TUBA3C: variants seen among roughly 807,000 people sequenced by gnomAD.
TUBA3C encodes tubulin alpha 3c.
Under a neutral mutation model 33.4 loss-of-function variants are expected in TUBA3C, and 23 were observed. The ratio of observed to expected loss-of-function variants is 0.69; its 90% confidence interval spans 0.50 to 0.98. The LOEUF (loss-of-function observed/expected upper bound fraction) is 0.98. Among genes scored for constraint, TUBA3C ranks in the 50% least tolerant of loss-of-function variants. The pLI, the probability that TUBA3C is intolerant of heterozygous loss-of-function variation, is 0.00. For synonymous variants in TUBA3C, 269 were observed against 250.4 expected (o/e 1.07, Z -0.70); for missense variants, 402 against 616.0 (o/e 0.65, Z 3.68).
chr13:19,181,691 C>A (rs901584029), intron 1 of TUBA3C, 54 bp downstream of exon 1: 1 of 1,600,582 alleles, frequency 6.2e-7, no homozygotes, highest in Non-Finnish European at 8.5e-7. Flanking sequence ...AGGAGGCCAA[C>A]TTCGTCCACC....
At chr13:19,176,725 CAAAAAAAAAAA>C (rs55746544) in intron 4 of TUBA3C, among the ~76,000 whole-genome samples, 191 bp downstream of exon 4, 1,081 of 34,602 alleles carry the variant, frequency 0.031, 6 homozygotes, top group Non-Finnish European at 0.053. Flanking sequence ...GACTCTGCCT[CAAAAAAAAAAA>C]AAAAAAAAAA....
Position 19,174,160 on chromosome 13 carries a change from C to G in TUBA3C, c.1057-1G>C, listed in dbSNP as rs1265761078. The G allele has an allele frequency of 6.2e-7, 1 of 1,609,454 alleles. No homozygotes were observed. The highest frequency in any genetic ancestry group is 1.7e-4 in the Middle Eastern group (1 of 6,036). On this transcript the variant is annotated splice_acceptor_variant, in intron 4 of 4. Transcript: ENST00000400113. LOFTEE classifies it high-confidence loss of function. ...TGGGGGGCTGGTAGTTAATGCCCAC[C>G]TGCCGGAGAAGAGGAAGAAACAGTC... is the stretch of plus-strand genomic sequence containing the variant.
At chr13:19,178,668 T>C (rs1869289722) in intron 2 of TUBA3C, among the ~76,000 whole-genome samples, 1 of 152,154 alleles carries the variant, frequency 6.6e-6, no homozygotes, top group Non-Finnish European at 1.5e-5. Context: ...TGAAGGGAAA[T>C]AAGCTCCAGC....
In TUBA3C at chr13:19,181,778, C is replaced by G; in HGVS notation, c.-31G>C. 6.2e-7 allele frequency: 1 copy of G among 1,601,066 alleles called. No homozygotes were observed. Among genetic ancestry groups the G allele is most frequent in the Non-Finnish European group, 8.5e-7 (1 of 1,178,928 alleles). On this transcript the variant is annotated 5_prime_UTR_variant, in exon 1 of 5. Transcript: ENST00000400113. The stretch of plus-strand genomic sequence containing the variant: ...GCTCCTCCGCTGCCGCAGCCCAACG[C>G]TACTACTTGACCTCAACCGCCGCTG...
rs747369795 is a variant in TUBA3C, at chr13:19,174,147, A to T, written c.1069T>A (p.Tyr357Asn). 135 of 1,611,098 alleles carry T rather than the reference A, an allele frequency of 8.4e-5. No homozygotes were observed. Among genetic ancestry groups the T allele is most frequent in the Non-Finnish European group, 1.1e-4 (132 of 1,177,966 alleles). ...CPTGFKVGIN[Y>N]QPPTVVPGGD... ...CCAGGGACCACCGTGGGGGGCTGGT[A>T]GTTAATGCCCACCTGCCGGAGAAGA... is the stretch of plus-strand genomic sequence containing the variant. The change falls in exon 5 of 5, where the codon TAC becomes AAC. Residue 357 changes from tyrosine (Y) to asparagine (N), a missense_variant. Physicochemically the swap from Tyr to Asn is moderately radical, Grantham distance 143. Transcript: ENST00000400113.
At chr13:19,179,319 C>A (rs1402210354) in intron 2 of TUBA3C, 22 bp downstream of exon 2, 1 of 1,612,824 alleles carries the variant, frequency 6.2e-7, no homozygotes, top group African/African-American at 1.3e-5. Flanking sequence ...AGAAAGCTGC[C>A]ATCCAGGACC....
In TUBA3C at chr13:19,179,273, A is replaced by G. The variant is rs36215080; in HGVS notation, c.226+68T>C. On this transcript the variant is annotated intron_variant, in intron 2 of 4. Coordinates refer to ENST00000400113, the MANE Select transcript of TUBA3C (RefSeq NM_006001.3). ...TGCAGGAGGATTCAAAGGAGCCCAC[A>G]TGGGGCCTTACCGACGATGCTCTCC... 1,208 of 1,597,104 alleles carry G rather than the reference A, an allele frequency of 7.6e-4. 1 individual carries two copies. Among genetic ancestry groups the G allele is most frequent in the Non-Finnish European group, 9.3e-4 (1,092 of 1,170,446 alleles).
chr13:19,177,178 G>C lies in TUBA3C; in HGVS notation c.805C>G (p.Leu269Val). 1 of 1,614,156 alleles carries C rather than the reference G, an allele frequency of 6.2e-7. No homozygotes were observed. The highest frequency in any genetic ancestry group is 8.5e-7 in the Non-Finnish European group (1 of 1,180,032). The stretch of plus-strand genomic sequence containing the variant: ...GAGATGACCGGGGCGTAGGTGGCCA[G>C]GGGGAAGTGGATGCGGGGGTACGGC... ...LVPYPRIHFP[L>V]ATYAPVISAE... The change falls in exon 4 of 5, where the codon CTG becomes GTG. Residue 269 changes from leucine (L) to valine (V), a missense_variant. Coordinates refer to ENST00000400113, the MANE Select transcript of TUBA3C (RefSeq NM_006001.3). This position sits in a 1 kb window ranked among gnomAD's most constrained non-coding sequence, Gnocchi z 5.0.
At chr13:19,178,626 A>G (rs1332921786) in intron 2 of TUBA3C, among the ~76,000 whole-genome samples, 2 of 152,246 alleles carry the variant, frequency 1.3e-5, no homozygotes, top group African/African-American at 4.8e-5. Context: ...AACTCAGCTT[A>G]CAATATAAAT....
At position 19,174,027 on chromosome 13, in the gene TUBA3C, G is replaced by A. The variant is rs780860372; in HGVS notation, c.1189C>T (p.Leu397Phe). 49 of 1,613,512 alleles carry A rather than the reference G, an allele frequency of 3.0e-5. No homozygotes were observed. Among genetic ancestry groups the A allele is most frequent in the Non-Finnish European group, 4.0e-5 (47 of 1,179,924 alleles). ...ACAAAGGCCCGCTTGGCATACATGAGATCGAACTTATGGTCCAGGCGAGCC... is the reference window on the plus strand; with the variant it reads ...ACAAAGGCCCGCTTGGCATACATGAAATCGAACTTATGGTCCAGGCGAGCC... Reference protein sequence around the residue: ...AWARLDHKFDLMYAKRAFVHW... With the variant: ...AWARLDHKFDFMYAKRAFVHW... Residue 397 changes from leucine to phenylalanine, a missense_variant, in exon 5 of 5, where the codon CTC (leucine) becomes TTC (phenylalanine). Physicochemically the swap from Leu to Phe is conservative, Grantham distance 22. Transcript: ENST00000400113.
At chr13:19,178,563 C>A (rs1869285641) in intron 2 of TUBA3C, among the ~76,000 whole-genome samples, 169 bp from the exon 3 acceptor site, 1 of 152,140 alleles carries the variant, frequency 6.6e-6, no homozygotes, top group African/African-American at 2.4e-5. Context: ...TGTGTGATAA[C>A]CAAAGTGCAA....
rs902007272 is a variant in TUBA3C at position 19,174,013 on chromosome 13, C to T, written c.1203G>A (p.Lys401=). The T allele has an allele frequency of 5.6e-6, 9 of 1,613,952 alleles. No individual in the cohort carries two copies. Among genetic ancestry groups the T allele is most frequent in the South Asian group, 1.1e-5 (1 of 91,078 alleles). The stretch of plus-strand genomic sequence containing the variant: ...CCACGTACCAGTGCACAAAGGCCCG[C>T]TTGGCATACATGAGATCGAACTTAT... The part of the protein sequence containing the change: ...LDHKFDLMYA[K]RAFVHWYVGE... The change falls in exon 5 of 5, where the codon AAG becomes AAA. Residue 401 remains lysine (K), a synonymous_variant. Transcript: ENST00000400113.
chr13:19,177,161 CGGGGCGTA>C lies in TUBA3C; in HGVS notation c.814_821del (p.Tyr272GlyfsTer16). 6.2e-7 allele frequency: 1 copy of C among 1,613,772 alleles called. No homozygotes were observed. On this transcript the variant is annotated frameshift_variant, in exon 4 of 5. Coordinates refer to ENST00000400113, the MANE Select transcript of TUBA3C (RefSeq NM_006001.3). LOFTEE classifies it high-confidence loss of function. This position sits in a 1 kb window ranked among gnomAD's most constrained non-coding sequence, Gnocchi z 5.0. The stretch of plus-strand genomic sequence containing the variant: ...GGTAGGCCTTCTCGGCTGAGATGAC[CGGGGCGTA>C]GGTGGCCAGGGGGAAGTGGATGCGG...
Position 19,178,148 on chromosome 13 carries a change from C to CGCA in TUBA3C, c.375+95_375+97dup. On this transcript the variant is annotated intron_variant, in intron 3 of 4. Transcript: ENST00000400113. ...GGCGTGAGCCACCAGACCCAGCCAACGCACTGGTCTAGGTTTTGACAAAAT... is the reference window on the plus strand; with the variant it reads ...GGCGTGAGCCACCAGACCCAGCCAACGCAGCACTGGTCTAGGTTTTGACAAAAT... 2.0e-6 allele frequency: 3 copies of CGCA among 1,536,840 alleles called. No individual in the cohort carries two copies. The South Asian group carries it at 3.8e-5, about 19-fold the overall frequency.
chr13:19,174,197 T>C, intron 4 of TUBA3C, 38 bp from the exon 5 acceptor site: 2 of 1,567,042 alleles, frequency 1.3e-6, no homozygotes, highest in Non-Finnish European at 1.7e-6. Flanking sequence ...ATGAAGCTTA[T>C]ATCAAACCTG....
intron 4 of TUBA3C, among the ~76,000 whole-genome samples, chr13:19,175,471 C>T (rs1244417683): frequency 6.6e-6 from 1 of 152,118 alleles, no homozygotes; most frequent in Non-Finnish European, 1.5e-5. Flanking sequence ...TTGTGCTGTG[C>T]TTTCCCTGCT....
At chr13:19,175,312 A>T (rs1431734301) in intron 4 of TUBA3C, among the ~76,000 whole-genome samples, 1 of 152,208 alleles carries the variant, frequency 6.6e-6, no homozygotes, top group Non-Finnish European at 1.5e-5. Flanking sequence ...TTTTCCGGGA[A>T]GCCTAGTAAT....
At chr13:19,174,207 G>A (rs760448882) in intron 4 of TUBA3C, 48 bp from the exon 5 acceptor site, 4 of 1,552,398 alleles carry the variant, frequency 2.6e-6, no homozygotes, top group Non-Finnish European at 3.5e-6. Context: ...TATCAAACCT[G>A]GAAATGGTGG....
intron 4 of TUBA3C, 46 bp downstream of exon 4, chr13:19,176,881 T>C (rs1869204398): frequency 6.3e-7 from 1 of 1,590,674 alleles, no homozygotes; most frequent in African/African-American, 1.3e-5. Context: ...TCTGTGTGTC[T>C]GTTGCTTGCT....
Sources: allele counts gnomAD v4.1 joint callset (sites outside exome capture counted in the v4.1 genomes callset), GRCh38; gene constraint gnomAD v4.1.1; non-coding constraint Gnocchi (gnomAD v3.1); transcripts MANE v1.5; gene names NCBI Gene and HGNC (gene_info 2026-07-23, HGNC 2026-07-21).